The following VPS8 variants were observed in gnomAD, a reference collection of about 807,000 sequenced individuals.
VPS8 encodes vacuolar protein sorting-associated protein 8 homolog.
VPS8 carries 129 observed loss-of-function variants against 216.4 expected under a neutral mutation model. The observed-to-expected ratio is 0.60, with a 90% CI of 0.52 to 0.69. The LOEUF (loss-of-function observed/expected upper bound fraction) is 0.69, where lower values mean the gene tolerates loss of function less well. Among genes scored for constraint, VPS8 ranks in the 30% least tolerant of loss-of-function variants. The pLI is 0.00. For synonymous variants in VPS8, 571 were observed against 565.4 expected (o/e 1.01, Z -0.14); for missense variants, 1,531 against 1,683.5 (o/e 0.91, Z 1.59).
At chr3:184,883,995 A>G (rs1730727710) in intron 21 of VPS8, among the ~76,000 whole-genome samples, 1 of 152,058 alleles carries the variant, frequency 6.6e-6, no homozygotes, top group South Asian at 2.1e-4. Context: ...ATCAGTAGCT[A>G]TTTTGCCTGT....
chr3:184,990,760 A>G (rs757602948), intron 42 of VPS8, among the ~76,000 whole-genome samples: 1 of 152,180 alleles, frequency 6.6e-6, no homozygotes, highest in Non-Finnish European at 1.5e-5. Flanking sequence ...TCAGATCCCC[A>G]CTGAAAAAAG....
chr3:184,957,072 G>A (rs910991212), intron 36 of VPS8, among the ~76,000 whole-genome samples: 2 of 152,146 alleles, frequency 1.3e-5, no homozygotes, highest in African/African-American at 4.8e-5. Context: ...TAAATTGGGT[G>A]GCTCTTGTTT....
At chr3:184,956,144 A>T (rs1745563331) in intron 36 of VPS8, among the ~76,000 whole-genome samples, 1 of 152,188 alleles carries the variant, frequency 6.6e-6, no homozygotes, top group Non-Finnish European at 1.5e-5. Flanking sequence ...GTCTAAATAC[A>T]GTCTCTTTTT....
At chr3:184,925,113 G>T in intron 30 of VPS8, 132 bp downstream of exon 30, 1 of 1,267,794 alleles carries the variant, frequency 7.9e-7, no homozygotes, top group Non-Finnish European at 1.1e-6. Context: ...TTCAGGTTTT[G>T]GATCTAAGTT....
At chr3:184,854,861 G>A (rs1189491275) in intron 13 of VPS8, among the ~76,000 whole-genome samples, 2 of 151,952 alleles carry the variant, frequency 1.3e-5, no homozygotes, top group African/African-American at 4.8e-5. Flanking sequence ...CTTCTTGATT[G>A]TTTTCAGAGT....
At position 184,915,344 on chromosome 3, in the gene VPS8, C is replaced by G. The variant is rs756777635; in HGVS notation, c.2263-11C>G. On this transcript the variant is annotated splice_polypyrimidine_tract_variant and intron_variant, in intron 27 of 47. Coordinates refer to ENST00000625842, the MANE Select transcript of VPS8 (RefSeq NM_001009921.3). Reference sequence around the variant, plus strand: ...TGAGAAAATAATCAACATTTTTTTCCCAACTTGCAGGTTTTTGAATTTCTA... The same window carrying G: ...TGAGAAAATAATCAACATTTTTTTCGCAACTTGCAGGTTTTTGAATTTCTA... The G allele has an allele frequency of 6.2e-7, 1 of 1,605,252 alleles. No individual in the cohort carries two copies. The highest frequency in any genetic ancestry group is 8.5e-7 in the Non-Finnish European group (1 of 1,176,744).
intron 4 of VPS8, among the ~76,000 whole-genome samples, chr3:184,833,503 A>G (rs1297814098): frequency 6.6e-6 from 1 of 152,172 alleles, no homozygotes; most frequent in Non-Finnish European, 1.5e-5. Context: ...CTGTTCAACA[A>G]TGTGTCCTTC....
chr3:185,025,003 A>G (rs1757152343), intron 46 of VPS8, among the ~76,000 whole-genome samples: 1 of 126,304 alleles, frequency 7.9e-6, no homozygotes, highest in Admixed American at 7.1e-5. Flanking sequence ...ACTCCATCTC[A>G]AAAAAAGAAA....
intron 45 of VPS8, among the ~76,000 whole-genome samples, chr3:185,016,898 G>C (rs572762196): frequency 2.2e-4 from 34 of 152,166 alleles, no homozygotes; most frequent in African/African-American, 7.2e-4. Context: ...CATTTTAAAG[G>C]TGTAGGTTCT....
intron 21 of VPS8, among the ~76,000 whole-genome samples, chr3:184,876,681 A>T (rs1354630043): frequency 6.6e-6 from 1 of 152,124 alleles, no homozygotes; most frequent in Non-Finnish European, 1.5e-5. Context: ...ACCTAATGCA[A>T]ATTGGGTGAT....
At chr3:185,037,909 A>G (rs1759129287) in intron 46 of VPS8, among the ~76,000 whole-genome samples, 1 of 152,128 alleles carries the variant, frequency 6.6e-6, no homozygotes, top group African/African-American at 2.4e-5. Flanking sequence ...TTCTGTGAGG[A>G]TATTTACAGT....
At chr3:184,878,076 A>G (rs919590182) in intron 21 of VPS8, among the ~76,000 whole-genome samples, 3 of 152,002 alleles carry the variant, frequency 2.0e-5, no homozygotes, top group Non-Finnish European at 2.9e-5. Flanking sequence ...ATGTGAATCA[A>G]GCTTAAAGGA....
At chr3:184,944,249 A>T (rs1338233113) in intron 36 of VPS8, among the ~76,000 whole-genome samples, 1 of 152,192 alleles carries the variant, frequency 6.6e-6, no homozygotes. Context: ...ACCTGCAAAG[A>T]TATTGGTGGC....
At chr3:185,026,433 A>T (rs1757365913) in intron 46 of VPS8, among the ~76,000 whole-genome samples, 2 of 121,052 alleles carry the variant, frequency 1.7e-5, no homozygotes, top group East Asian at 2.5e-4. Context: ...TTTTTTTGAG[A>T]TGGAGTTTCC....
intron 46 of VPS8, among the ~76,000 whole-genome samples, chr3:185,033,076 T>A (rs1758401598): frequency 6.6e-6 from 1 of 152,226 alleles, no homozygotes; most frequent in South Asian, 2.1e-4. Context: ...TTGCCCCTAT[T>A]ATTAACATCT....
intron 35 of VPS8, among the ~76,000 whole-genome samples, chr3:184,939,788 A>G (rs914356648): frequency 6.6e-6 from 1 of 152,106 alleles, no homozygotes; most frequent in African/African-American, 2.4e-5. Flanking sequence ...TGGATGAACT[A>G]TCTCACAGCA....
intron 39 of VPS8, among the ~76,000 whole-genome samples, chr3:184,970,391 G>A (rs1748215460): frequency 2.6e-5 from 4 of 152,216 alleles, no homozygotes; most frequent in South Asian, 2.1e-4. Flanking sequence ...TGTAGTACCA[G>A]TAGAATGGTG....
intron 1 of VPS8, among the ~76,000 whole-genome samples, chr3:184,819,653 T>G (rs1717122451): frequency 6.6e-6 from 1 of 152,196 alleles, no homozygotes; most frequent in Non-Finnish European, 1.5e-5. Context: ...TTTCAGAATG[T>G]TGGATATGTG....
intron 31 of VPS8, 86 bp from the exon 32 acceptor site, chr3:184,928,365 A>G: frequency 8.0e-7 from 1 of 1,245,458 alleles, no homozygotes; most frequent in East Asian, 2.8e-5. Flanking sequence ...GAAAAAAATT[A>G]AATGTTATAG....
Sources: gnomAD v4.1 joint callset for allele counts (sites outside exome capture counted in the v4.1 genomes callset) on GRCh38, gnomAD v4.1.1 for gene constraint, MANE v1.5 for transcripts, NCBI Gene and HGNC (gene_info 2026-07-23, HGNC 2026-07-21) for gene names.